PROM1: variants seen among roughly 807,000 people sequenced by gnomAD.
PROM1 encodes the protein prominin 1.
In PROM1, 105 loss-of-function variants were observed where a neutral mutation model predicts 116.9. That is an observed-to-expected ratio of 0.90 (90% CI 0.77 to 1.06). The LOEUF (loss-of-function observed/expected upper bound fraction) is 1.06, where lower values mean the gene tolerates loss of function less well. Among genes scored for constraint, PROM1 ranks in the 50% least tolerant of loss-of-function variants. PROM1 has a pLI of 0.00. For synonymous variants in PROM1, 393 were observed against 387.0 expected (o/e 1.02, Z -0.18); for missense variants, 1,122 against 1,045.2 (o/e 1.07, Z -1.01).
intron 1 of PROM1, chr4:16,080,815 T>G (rs558103037): frequency 6.6e-6 from 1 of 152,368 alleles, no homozygotes; most frequent in East Asian, 1.9e-4. Context: ...CTTCTGGGCC[T>G]GGGCCTGCGC....
chr4:16,067,307 C>G (rs142647440), intron 2 of PROM1, among the ~76,000 whole-genome samples: 1 of 152,252 alleles, frequency 6.6e-6, no homozygotes, highest in Admixed American at 6.5e-5. Context: ...TCCTCATCAG[C>G]GAAAGAAAAG....
chr4:16,044,952 T>C (rs11733193), intron 2 of PROM1, among the ~76,000 whole-genome samples: 121,693 of 151,988 alleles, frequency 0.8, 49,273 homozygotes, highest in East Asian at 0.94. Flanking sequence ...TATGGAAGAT[T>C]GAGAGGCATC....
Position 15,994,032 on chromosome 4 carries a change from G to A in PROM1, c.1722C>T (p.His574=), listed in dbSNP as rs769250596. 18 of 1,613,850 alleles carry A rather than the reference G, an allele frequency of 1.1e-5. 1 individual carries two copies. In the Admixed American group the frequency reaches 1.8e-4, roughly 16 times the overall value. Residue 574 remains histidine (H), a synonymous_variant, in exon 16 of 28, where the codon CAC becomes CAT. Coordinates refer to ENST00000447510, the MANE Select transcript of PROM1 (RefSeq NM_006017.3). The stretch of plus-strand genomic sequence containing the variant: ...CACTGATATTGAAGCTGTTCTGCAG[G>A]TGAAGAGTGCCGTAAGTGCCTCTAT... ...KKNRGTYGTL[H]LQNSFNISEH...
chr4:16,060,709 T>C (rs1740119684), intron 2 of PROM1, among the ~76,000 whole-genome samples: 1 of 152,230 alleles, frequency 6.6e-6, no homozygotes, highest in Non-Finnish European at 1.5e-5. Context: ...TTGGTGATCA[T>C]TAATTACCTC....
intron 2 of PROM1, among the ~76,000 whole-genome samples, chr4:16,072,261 C>T (rs1025748087): frequency 1.3e-5 from 2 of 152,126 alleles, no homozygotes; most frequent in Non-Finnish European, 2.9e-5. Flanking sequence ...AAGGGTTTCT[C>T]TTAGAGTTTC....
At chr4:15,992,658 C>CA (rs1478934986) in intron 16 of PROM1, among the ~76,000 whole-genome samples, 14 of 151,408 alleles carry the variant, frequency 9.2e-5, no homozygotes, top group Admixed American at 1.3e-4. Context: ...CCACAAAAGA[C>CA]AAAAAAAATG....
intron 5 of PROM1, among the ~76,000 whole-genome samples, chr4:16,029,531 T>C (rs745668144): frequency 2.0e-5 from 3 of 152,162 alleles, no homozygotes; most frequent in African/African-American, 4.8e-5. Context: ...TGCATAAACA[T>C]ATGTCAGTGT....
intron 5 of PROM1, among the ~76,000 whole-genome samples, chr4:16,027,161 C>G (rs929510997): frequency 6.6e-6 from 1 of 152,212 alleles, no homozygotes; most frequent in Admixed American, 6.5e-5. Flanking sequence ...GGAATGACCG[C>G]CTTATAATTT....
chr4:16,010,997 T>G (rs1264719087), intron 11 of PROM1, among the ~76,000 whole-genome samples: 1 of 152,038 alleles, frequency 6.6e-6, no homozygotes, highest in Non-Finnish European at 1.5e-5. Context: ...AATGACTCAG[T>G]GGGTCTCTTG....
rs1469558153 is a variant in PROM1, at chr4:16,016,251, A to G, written c.1003-11T>C. ...ATCCACGGGTGGAAGCTGAAAATTTATAAAACAAAATATAAGACAAGGTTG... is the reference window on the plus strand; with the variant it reads ...ATCCACGGGTGGAAGCTGAAAATTTGTAAAACAAAATATAAGACAAGGTTG... On this transcript the variant is annotated splice_polypyrimidine_tract_variant and intron_variant, in intron 9 of 27. Coordinates refer to ENST00000447510, the MANE Select transcript of PROM1 (RefSeq NM_006017.3). 7.1e-6 allele frequency: 11 copies of G among 1,543,118 alleles called. No homozygotes were observed. The highest frequency in any genetic ancestry group is 9.6e-6 in the Non-Finnish European group (11 of 1,142,038).
chr4:16,032,978 T>A (rs1017778039), intron 5 of PROM1, among the ~76,000 whole-genome samples: 2 of 152,188 alleles, frequency 1.3e-5, no homozygotes, highest in Non-Finnish European at 2.9e-5. Flanking sequence ...TGCAAATAGC[T>A]AATTAAGAGG....
At position 16,018,365 on chromosome 4, in the gene PROM1, T is replaced by C; in HGVS notation, c.960A>G (p.Arg320=). The change falls in exon 9 of 28, where the codon AGA becomes AGG. Residue 320 remains arginine, a synonymous_variant. Transcript: ENST00000447510. ...HPSSETCNSI[R]LSLSQLNSNP... is the part of the protein sequence containing the mutation. ...TGCTATTCAGCTGGCTTAGAGACAA[T>C]CTGATGCTGTTGCAGGTTTCACTTG... The C allele has an allele frequency of 6.2e-7, 1 of 1,613,664 alleles. No individual in the cohort carries two copies. The highest frequency in any genetic ancestry group is 8.5e-7 in the Non-Finnish European group (1 of 1,179,902).
At chr4:16,078,341 A>G (rs1034584554) in intron 1 of PROM1, 1 of 152,322 alleles carries the variant, frequency 6.6e-6, no homozygotes, top group Non-Finnish European at 1.5e-5. Flanking sequence ...TCACCAATGC[A>G]TGTAACCTGC....
chr4:15,975,885 G>C (rs1715986893), intron 26 of PROM1, among the ~76,000 whole-genome samples: 1 of 152,190 alleles, frequency 6.6e-6, no homozygotes, highest in Admixed American at 6.5e-5. Flanking sequence ...ACTCACATAA[G>C]GTGTCACTCA....
At position 16,000,726 on chromosome 4, in the gene PROM1, G is replaced by A. The variant is rs181818166; in HGVS notation, c.1455-107C>T. ...CTATAAAATAGCCCTGGGGTCTTCA[G>A]TGTTATTCAGGTGAAACAGATCATC... On this transcript the variant is annotated intron_variant, in intron 13 of 27. Transcript: ENST00000447510. 2.0e-4 allele frequency: 196 copies of A among 975,536 alleles called. No individual in the cohort carries two copies. The African/African-American group carries it at 2.8e-3, about 14-fold the overall frequency. The allele number at this position is 975,536 out of a possible 1,614,324, so 60.4% of individuals were successfully genotyped here. A position where few individuals can be genotyped will look rare whatever the true frequency, so the allele number is the denominator to read the frequency against.
At chr4:16,034,476 G>C (rs780563203) in intron 4 of PROM1, among the ~76,000 whole-genome samples, 1 of 152,120 alleles carries the variant, frequency 6.6e-6, no homozygotes, top group Non-Finnish European at 1.5e-5. Context: ...GTGAAGGACC[G>C]ACCTTGGCAG....
At chr4:16,056,312 A>G (rs966918026) in intron 2 of PROM1, among the ~76,000 whole-genome samples, 3 of 152,154 alleles carry the variant, frequency 2.0e-5, no homozygotes, top group African/African-American at 4.8e-5. Flanking sequence ...GAGGATCTTT[A>G]TAACGCAGGA....
intron 19 of PROM1, among the ~76,000 whole-genome samples, chr4:15,987,967 C>T (rs777100403): frequency 4.0e-4 from 60 of 150,934 alleles, no homozygotes; most frequent in Non-Finnish European, 5.4e-4. Flanking sequence ...AGCTCCGCCT[C>T]CTGGGTTCAC....
chr4:16,022,101 A>AGGAAGGAG (rs775310389), intron 8 of PROM1, among the ~76,000 whole-genome samples: 1 of 143,332 alleles, frequency 7.0e-6, no homozygotes, highest in African/African-American at 2.5e-5. Context: ...GGAGAAAGGA[A>AGGAAGGAG]GGAAGGAGGG....
Sources: gnomAD v4.1 joint callset for allele counts (sites outside exome capture counted in the v4.1 genomes callset) on GRCh38, gnomAD v4.1.1 for gene constraint, MANE v1.5 for transcripts, NCBI Gene and HGNC (gene_info 2026-07-23, HGNC 2026-07-21) for gene names.